The following PNMA3 variants were observed in gnomAD, a reference collection of about 807,000 sequenced individuals.
PNMA3 encodes the protein paraneoplastic antigen Ma3.
Under a neutral mutation model 25.1 loss-of-function variants are expected in PNMA3, and 10 were observed. That is an observed-to-expected ratio of 0.40 (90% CI 0.25 to 0.68). The LOEUF is 0.68. Among genes scored for constraint, PNMA3 ranks in the 30% least tolerant of loss-of-function variants. The probability of loss-of-function intolerance (pLI) is 0.40; values close to 1 mark genes in which losing one functional copy is unlikely to be tolerated. For synonymous variants in PNMA3, 134 were observed against 148.7 expected, an observed-to-expected ratio of 0.90 and a Z score of 0.72; for missense variants, 317 against 372.1, an observed-to-expected ratio of 0.85 and a Z score of 1.22.
chrX:153,056,931 GC>G lies in PNMA3; in HGVS notation c.-106-16del, dbSNP rs2051146076. On this transcript the variant is annotated intron_variant, in intron 1 of 1. Transcript: ENST00000593810. ...AGAGGTGGGCATTAACCTCGCTCTCGCCCTGCTCGCATTCACAGGCTGTGGA... is the reference window on the plus strand; with the variant it reads ...AGAGGTGGGCATTAACCTCGCTCTCGCCTGCTCGCATTCACAGGCTGTGGA... 4 of 987,042 alleles carry G rather than the reference GC, an allele frequency of 4.1e-6. No individual in the cohort carries two copies. The highest frequency in any genetic ancestry group is 5.4e-6 in the Non-Finnish European group (4 of 733,994). The allele number at this position is 987,042 out of a possible 1,213,427, so 81.3% of individuals were successfully genotyped here. A position where few individuals can be genotyped will look rare whatever the true frequency, so the allele number is the denominator to read the frequency against.
chrX:153,059,876 C>T lies in PNMA3; in HGVS notation c.*1429C>T, dbSNP rs1045059. ...TGTGTGTGTTCTTCTCTGAGCAGCT[C>T]CTCCCCGGAGTCCCCCAGCACAGTC... On this transcript the variant is annotated 3_prime_UTR_variant, in exon 2 of 2. Coordinates refer to ENST00000593810, the MANE Select transcript of PNMA3 (RefSeq NM_013364.6). 754 of 123,505 alleles carry T rather than the reference C, an allele frequency of 6.1e-3. 6 individuals carry two copies. Among genetic ancestry groups the T allele is most frequent in the Non-Finnish European group, 0.011 (586 of 53,256 alleles). 10.2% of individuals were successfully genotyped at this position (123,505 alleles called of 1,213,427 possible).
At position 153,056,986 on chromosome X, in the gene PNMA3, A is replaced by G; in HGVS notation, c.-70A>G. The G allele has an allele frequency of 8.6e-7, 1 of 1,159,232 alleles. No individual in the cohort carries two copies. The highest frequency in any genetic ancestry group is 1.2e-6 in the Non-Finnish European group (1 of 865,339). ...CTGGGCCTTCTGCGATCACCCTAGG[A>G]GTTGATCCAGATATGTGCCTCACGC... On this transcript the variant is annotated 5_prime_UTR_variant, in exon 2 of 2. Coordinates refer to ENST00000593810, the MANE Select transcript of PNMA3 (RefSeq NM_013364.6).
In PNMA3 at chrX:153,057,452, C is replaced by A. The variant is rs1556932136; in HGVS notation, c.397C>A (p.Pro133Thr). The A allele has an allele frequency of 8.3e-7, 1 of 1,209,039 alleles. No individual in the cohort carries two copies. Among genetic ancestry groups the A allele is most frequent in the African/African-American group, 1.7e-5 (1 of 57,198 alleles). Residue 133 changes from proline to threonine, a missense_variant, in exon 2 of 2, where the codon CCA becomes ACA. Pro to Thr is a conservative substitution (Grantham distance 38, BLOSUM62 -1). Coordinates refer to ENST00000593810, the MANE Select transcript of PNMA3 (RefSeq NM_013364.6). ...CGGGTCGGACACCAATTGTTCGGCT[C>A]CAAGAGTGACTATATCACCAGAGTT... ...VLGSDTNCSA[P>T]RVTISPEFWT...
chrX:153,056,881 G>GGTGGGC, intron 1 of PNMA3, 69 bp from the exon 2 acceptor site: 1 of 592,373 alleles, frequency 1.7e-6, no homozygotes, highest in Non-Finnish European at 2.4e-6. Context: ...TGGGGGTGGG[G>GGTGGGC]GTGGGCGTGG....
In PNMA3 at chrX:153,056,565, C is replaced by T; in HGVS notation, c.-180C>T. The T allele has an allele frequency of 7.9e-6, 1 of 125,787 alleles. No individual in the cohort carries two copies. Among genetic ancestry groups the T allele is most frequent in the Non-Finnish European group, 1.6e-5 (1 of 63,075 alleles). The allele number at this position is 125,787 out of a possible 1,213,427, so 10.4% of individuals were successfully genotyped here. ...GGTGCCCGACCCCCGTCCGCCGCCG[C>T]CGCCGCCGCCGCGCATAGCCCCCGG... On this transcript the variant is annotated 5_prime_UTR_variant, in exon 1 of 2. Transcript: ENST00000593810.
rs369206827 is a variant in PNMA3, at chrX:153,057,428, G to A, written c.373G>A (p.Gly125Arg). ...RTVSDMNRVL[G>R]SDTNCSAPRV... The stretch of plus-strand genomic sequence containing the variant: ...CGTGTCAGATATGAACCGAGTCCTC[G>A]GGTCGGACACCAATTGTTCGGCTCC... Residue 125 changes from glycine (G) to arginine (R), a missense_variant, in exon 2 of 2, where the codon GGG (glycine) becomes AGG (arginine). By Grantham distance (125) the Gly-to-Arg change is moderately radical. Coordinates refer to ENST00000593810, the MANE Select transcript of PNMA3 (RefSeq NM_013364.6). 5 of 1,209,084 alleles carry A rather than the reference G, an allele frequency of 4.1e-6. No individual in the cohort carries two copies. Among genetic ancestry groups the A allele is most frequent in the Middle Eastern group, 2.3e-4 (1 of 4,351 alleles).
rs782580973 is a variant in PNMA3, at chrX:153,057,788, A to G, written c.733A>G (p.Ser245Gly). 25 of 1,211,020 alleles carry G rather than the reference A, an allele frequency of 2.1e-5. No homozygotes were observed. Among genetic ancestry groups the G allele is most frequent in the Non-Finnish European group, 2.7e-5 (24 of 895,438 alleles). ...ALQQVFGPVE[S>G]HKIAQVKLCK... is the part of the protein sequence containing the mutation. ...GCAGCAGGTGTTCGGACCTGTGGAG[A>G]GCCATAAAATTGCCCAGGTGAAGTT... The change falls in exon 2 of 2, where the codon AGC (serine) becomes GGC (glycine). Residue 245 changes from serine to glycine, a missense_variant. By Grantham distance (56) the Ser-to-Gly change is moderately conservative. Coordinates refer to ENST00000593810, the MANE Select transcript of PNMA3 (RefSeq NM_013364.6).
chrX:153,056,978 A>G lies in PNMA3; in HGVS notation c.-78A>G, dbSNP rs2051146550. The G allele has an allele frequency of 3.2e-5, 36 of 1,128,275 alleles. No individual in the cohort carries two copies. Among genetic ancestry groups the G allele is most frequent in the Non-Finnish European group, 4.2e-5 (36 of 851,199 alleles). The allele number at this position is 1,128,275 out of a possible 1,213,427, so 93.0% of individuals were successfully genotyped here. On this transcript the variant is annotated 5_prime_UTR_variant, in exon 2 of 2. Coordinates refer to ENST00000593810, the MANE Select transcript of PNMA3 (RefSeq NM_013364.6). ...GTGGAGACCTGGGCCTTCTGCGATC[A>G]CCCTAGGAGTTGATCCAGATATGTG...
At position 153,058,497 on chromosome X, in the gene PNMA3, G is replaced by A. The variant is rs1556932524; in HGVS notation, c.*50G>A. 1 of 1,211,875 alleles carries A rather than the reference G, an allele frequency of 8.3e-7. No individual in the cohort carries two copies. Among genetic ancestry groups the A allele is most frequent in the Non-Finnish European group, 1.1e-6 (1 of 895,450 alleles). On this transcript the variant is annotated 3_prime_UTR_variant, in exon 2 of 2. Transcript: ENST00000593810. ...CCTACCACAGGCCAAGGAGACAAAA[G>A]AGATATTGGAAGGAGGGGAAAGAGA...
rs782072241 is a variant in PNMA3, at chrX:153,057,014, T to G, written c.-42T>G. On this transcript the variant is annotated 5_prime_UTR_variant, in exon 2 of 2. An upstream open reading frame in the 5' UTR loses its in-frame stop. Transcript: ENST00000593810. The stretch of plus-strand genomic sequence containing the variant: ...TGATCCAGATATGTGCCTCACGCCC[T>G]GATCACTCCCCCCAAATTAGTATCC... The G allele has an allele frequency of 2.5e-6, 3 of 1,186,189 alleles. No homozygotes were observed. The highest frequency in any genetic ancestry group is 3.4e-6 in the Non-Finnish European group (3 of 883,015).
At position 153,058,479 on chromosome X, in the gene PNMA3, C is replaced by T; in HGVS notation, c.*32C>T. 8.3e-7 allele frequency: 1 copy of T among 1,211,930 alleles called. No individual in the cohort carries two copies. The highest frequency in any genetic ancestry group is 1.1e-6 in the Non-Finnish European group (1 of 895,498). On this transcript the variant is annotated 3_prime_UTR_variant, in exon 2 of 2. Transcript: ENST00000593810. Reference sequence around the variant, plus strand: ...GAGAACAGGGCAACATTTCCTACCACAGGCCAAGGAGACAAAAGAGATATT... The same window carrying T: ...GAGAACAGGGCAACATTTCCTACCATAGGCCAAGGAGACAAAAGAGATATT...
chrX:153,057,262 G>A lies in PNMA3; in HGVS notation c.207G>A (p.Leu69=), dbSNP rs2051149501. 1 of 1,210,211 alleles carries A rather than the reference G, an allele frequency of 8.3e-7. No individual in the cohort carries two copies. Residue 69 remains leucine (L), a synonymous_variant, in exon 2 of 2, where the codon CTG becomes CTA. Coordinates refer to ENST00000593810, the MANE Select transcript of PNMA3 (RefSeq NM_013364.6). ...ACGCCCAGGCGATTCTACTGGAGCTGGCACAAGATATCGACTATGCTTTGC... is the reference window on the plus strand; with the variant it reads ...ACGCCCAGGCGATTCTACTGGAGCTAGCACAAGATATCGACTATGCTTTGC... ...EENAQAILLE[L]AQDIDYALLP... is the part of the protein sequence containing the mutation.
rs782265481 is a variant in PNMA3 at position 153,058,673 on chromosome X, C to T, written c.*226C>T. 289 of 1,056,968 alleles carry T rather than the reference C, an allele frequency of 2.7e-4. No homozygotes were observed. In the African/African-American group the frequency reaches 3.9e-3, roughly 14 times the overall value. 87.1% of individuals were successfully genotyped at this position (1,056,968 alleles called of 1,213,427 possible). On this transcript the variant is annotated 3_prime_UTR_variant, in exon 2 of 2. Coordinates refer to ENST00000593810, the MANE Select transcript of PNMA3 (RefSeq NM_013364.6). ...TCAGTGGGGGTCAGGTCCAGGTCCC[C>T]GAAGAGGTGCTGGAGAGGAAAGCAG...
In PNMA3 at chrX:153,058,304, T is replaced by C. The variant is rs2051158493; in HGVS notation, c.1249T>C (p.Cys417Arg). 1 of 1,210,542 alleles carries C rather than the reference T, an allele frequency of 8.3e-7. No homozygotes were observed. Among genetic ancestry groups the C allele is most frequent in the Non-Finnish European group, 1.1e-6 (1 of 895,223 alleles). Residue 417 changes from cysteine to arginine, a missense_variant, in exon 2 of 2, where the codon TGT becomes CGT. By Grantham distance (180) the Cys-to-Arg change is radical (BLOSUM62 -3). Transcript: ENST00000593810. The part of the protein sequence containing the change: ...KRKRHTFCYS[C>R]GEDGHIRVQC... ...GAAACGCCACACATTCTGCTATAGC[T>C]GTGGGGAAGACGGCCACATCAGGGT...
At position 153,058,283 on chromosome X, in the gene PNMA3, C is replaced by T. The variant is rs782049640; in HGVS notation, c.1228C>T (p.Arg410Cys). The change falls in exon 2 of 2, where the codon CGC becomes TGC. Residue 410 changes from arginine to cysteine, a missense_variant. By Grantham distance (180) the Arg-to-Cys change is radical. Coordinates refer to ENST00000593810, the MANE Select transcript of PNMA3 (RefSeq NM_013364.6). ...AGSRGSRKRKRHTFCYSCGED... is the reference protein window; with the variant it reads ...AGSRGSRKRKCHTFCYSCGED... ...CTCTCGAGGCTCAAGAAAACGGAAA[C>T]GCCACACATTCTGCTATAGCTGTGG... The T allele has an allele frequency of 1.9e-5, 23 of 1,210,697 alleles. No individual in the cohort carries two copies. Among genetic ancestry groups the T allele is most frequent in the African/African-American group, 8.7e-5 (5 of 57,403 alleles).
chrX:153,058,652 TG>T lies in PNMA3; in HGVS notation c.*210del. On this transcript the variant is annotated 3_prime_UTR_variant, in exon 2 of 2. Coordinates refer to ENST00000593810, the MANE Select transcript of PNMA3 (RefSeq NM_013364.6). ...CAAGACCACCTGGCAACAGGCTCAG[TG>T]GGGGTCAGGTCCAGGTCCCCGAAGA... 8.9e-7 allele frequency: 1 copy of T among 1,128,465 alleles called. No homozygotes were observed. The highest frequency in any genetic ancestry group is 1.2e-6 in the Non-Finnish European group (1 of 842,552). 93.0% of individuals were successfully genotyped at this position (1,128,465 alleles called of 1,213,427 possible).
Position 153,057,551 on chromosome X carries a change from G to A in PNMA3, c.496G>A (p.Val166Met). ...LEQMLYRELR[V>M]FSGNTISIPG... ...ACAAATGTTGTACCGAGAACTAAGA[G>A]TGTTTTCTGGGAACACCATATCCAT... Residue 166 changes from valine (V) to methionine (M), a missense_variant, in exon 2 of 2, where the codon GTG (valine) becomes ATG (methionine). Physicochemically the swap from Val to Met is conservative, Grantham distance 21. Coordinates refer to ENST00000593810, the MANE Select transcript of PNMA3 (RefSeq NM_013364.6). 1 of 1,211,707 alleles carries A rather than the reference G, an allele frequency of 8.3e-7. No homozygotes were observed.
intron 1 of PNMA3, 144 bp downstream of exon 1, chrX:153,056,782 A>T: frequency 1.6e-5 from 4 of 246,557 alleles, no homozygotes; most frequent in East Asian, 8.4e-5. Flanking sequence ...TGAGGCCCGC[A>T]GAGACCCCAC....
At position 153,058,669 on chromosome X, in the gene PNMA3, T is replaced by TC; in HGVS notation, c.*226dup. 4.7e-6 allele frequency: 5 copies of TC among 1,074,331 alleles called. No homozygotes were observed. Among genetic ancestry groups the TC allele is most frequent in the Non-Finnish European group, 6.3e-6 (5 of 799,695 alleles). 88.5% of individuals were successfully genotyped at this position (1,074,331 alleles called of 1,213,427 possible). A position where few individuals can be genotyped will look rare whatever the true frequency, so the allele number is the denominator to read the frequency against. On this transcript the variant is annotated 3_prime_UTR_variant, in exon 2 of 2. Transcript: ENST00000593810. ...AGGCTCAGTGGGGGTCAGGTCCAGG[T>TC]CCCCGAAGAGGTGCTGGAGAGGAAA...
Sources: allele counts gnomAD v4.1 joint callset, GRCh38; gene constraint gnomAD v4.1.1; transcripts MANE v1.5; gene names NCBI Gene and HGNC (gene_info 2026-07-23, HGNC 2026-07-21).